The following NFIB variants were observed in gnomAD, a reference collection of about 807,000 sequenced individuals.
The protein encoded by NFIB is nuclear factor I B.
A neutral mutation model predicts 61.5 loss-of-function variants in NFIB; 11 were observed. That is an observed-to-expected ratio of 0.18 (90% CI 0.11 to 0.30). The LOEUF is 0.30. NFIB is among the 10% of genes least tolerant of loss of function. NFIB has a pLI of 1.00. For synonymous variants in NFIB, 260 were observed against 216.5 expected (o/e 1.20, Z -1.76); for missense variants, 471 against 608.9 (o/e 0.77, Z 2.38).
chr9:14,181,998 T>C (rs1166816056), intron 2 of NFIB, among the ~76,000 whole-genome samples: 2 of 152,166 alleles, frequency 1.3e-5, no homozygotes, highest in Non-Finnish European at 2.9e-5. Context: ...AAAATTTGGG[T>C]CCAGCAGAGA....
Position 14,268,885 on chromosome 9 carries a change from T to C in NFIB, c.562+38104A>G, listed in dbSNP as rs145904337. On this transcript the variant is annotated intron_variant, in intron 2 of 10. Coordinates refer to ENST00000380953, the MANE Select transcript of NFIB (RefSeq NM_001190737.2). ...CAAAATTAGAAGTACTAAAGAGATA[T>C]TGATGGTGACGGCTTTGGGTTTCAA... Among the ~76,000 whole-genome samples, 489 of 152,296 alleles carry C rather than the reference T, an allele frequency of 3.2e-3. 10 individuals carry two copies. The highest frequency in any genetic ancestry group is 0.021 in the East Asian group (111 of 5,168).
the NFIB span, among the ~76,000 whole-genome samples, chr9:14,414,794 C>T: frequency 1.3e-5 from 2 of 152,024 alleles, no homozygotes; most frequent in Admixed American, 6.6e-5. Flanking sequence ...AAAATATTTA[C>T]AAGTATATAA....
Position 14,237,462 on chromosome 9 carries a change from C to T in NFIB, c.563-57682G>A, listed in dbSNP as rs2053851715. On this transcript the variant is annotated intron_variant, in intron 2 of 10. Coordinates refer to ENST00000380953, the MANE Select transcript of NFIB (RefSeq NM_001190737.2). ...TGGCCACCTAAGATATACCATTGCCCACTGAGCACAAAAGCTCTTCATTAT... is the reference window on the plus strand; with the variant it reads ...TGGCCACCTAAGATATACCATTGCCTACTGAGCACAAAAGCTCTTCATTAT... Among the ~76,000 whole-genome samples the T allele has an allele frequency of 2.7e-5, 4 of 150,390 alleles. No homozygotes were observed. The South Asian group carries it at 6.4e-4, about 24-fold the overall frequency.
chr9:14,153,293 A>C (rs2043053691), intron 4 of NFIB, among the ~76,000 whole-genome samples: 1 of 152,148 alleles, frequency 6.6e-6, no homozygotes, highest in African/African-American at 2.4e-5. Context: ...AAACACGGCC[A>C]AAGTACTAAA....
chr9:14,527,482 A>T, the NFIB span, among the ~76,000 whole-genome samples: 4 of 152,238 alleles, frequency 2.6e-5, no homozygotes, highest in Non-Finnish European at 4.4e-5. Flanking sequence ...CAAAGGTATT[A>T]TAATAGCTAT....
At chr9:14,248,645 A>C (rs2055217926) in intron 2 of NFIB, among the ~76,000 whole-genome samples, 1 of 152,154 alleles carries the variant, frequency 6.6e-6, no homozygotes. Flanking sequence ...GAGATCATGT[A>C]GTTTGGGTGT....
At chr9:14,417,421 A>G in the NFIB span, among the ~76,000 whole-genome samples, 3 of 152,148 alleles carry the variant, frequency 2.0e-5, no homozygotes, top group African/African-American at 7.2e-5. Context: ...CGATAATGAA[A>G]TTGCCTAATG....
At chr9:14,333,548 C>T (rs2060847199) in intron 1 of NFIB, among the ~76,000 whole-genome samples, 1 of 152,080 alleles carries the variant, frequency 6.6e-6, no homozygotes, top group Admixed American at 6.5e-5. Flanking sequence ...TCAACTACTC[C>T]ACACTATAGC....
intron 10 of NFIB, among the ~76,000 whole-genome samples, chr9:14,091,996 G>T (rs1387826192): frequency 6.6e-6 from 1 of 152,020 alleles, no homozygotes; most frequent in Non-Finnish European, 1.5e-5. Flanking sequence ...CCAAATGTAT[G>T]ACATGGCTCC....
At chr9:14,416,462 G>T in the NFIB span, among the ~76,000 whole-genome samples, 4 of 151,050 alleles carry the variant, frequency 2.6e-5, no homozygotes, top group African/African-American at 9.8e-5. Flanking sequence ...CCCTGACCCT[G>T]TGTAGGCCCA....
intron 2 of NFIB, 117 bp from the exon 3 acceptor site, chr9:14,179,897 TAA>T (rs2046576082): frequency 2.4e-6 from 2 of 837,116 alleles, no homozygotes; most frequent in Non-Finnish European, 3.7e-6. Context: ...AGTGCTTAAA[TAA>T]AATACACTTT....
intron 2 of NFIB, among the ~76,000 whole-genome samples, chr9:14,275,942 GAAAA>G (rs527759131): frequency 3.5e-5 from 5 of 140,926 alleles, no homozygotes; most frequent in Admixed American, 1.4e-4. Flanking sequence ...AACTAGGAAG[GAAAA>G]AAAAAAAACT....
At chr9:14,231,384 G>A (rs775891528) in intron 2 of NFIB, among the ~76,000 whole-genome samples, 1 of 151,708 alleles carries the variant, frequency 6.6e-6, no homozygotes, top group Non-Finnish European at 1.5e-5. Context: ...AAGAATGGAG[G>A]ATTACACACT....
At chr9:14,161,362 G>T (rs1587168645) in intron 3 of NFIB, among the ~76,000 whole-genome samples, 1 of 152,032 alleles carries the variant, frequency 6.6e-6, no homozygotes, top group East Asian at 1.9e-4. Flanking sequence ...AGAATTAAGT[G>T]TATCTCTCAA....
At chr9:14,238,835 T>A (rs918914800) in intron 2 of NFIB, among the ~76,000 whole-genome samples, 2 of 152,170 alleles carry the variant, frequency 1.3e-5, no homozygotes, top group Non-Finnish European at 2.9e-5. Context: ...GAGATATAAA[T>A]CTGTGGGCTT....
intron 1 of NFIB, among the ~76,000 whole-genome samples, chr9:14,390,059 C>T (rs924031338): frequency 1.3e-5 from 2 of 152,150 alleles, no homozygotes; most frequent in African/African-American, 2.4e-5. Flanking sequence ...AAAATCTGAT[C>T]TCAGGGACAG....
chr9:14,305,591 G>A (rs1694350707), intron 2 of NFIB, among the ~76,000 whole-genome samples: 2 of 152,044 alleles, frequency 1.3e-5, no homozygotes, highest in African/African-American at 4.8e-5. Context: ...ATTTTTTCAG[G>A]AAAAGGTAAT....
At chr9:14,501,206 A>C in the NFIB span, among the ~76,000 whole-genome samples, 1 of 152,142 alleles carries the variant, frequency 6.6e-6, no homozygotes, top group African/African-American at 2.4e-5. Flanking sequence ...CTTTTGTCTA[A>C]ATGTGGTTCT....
At chr9:14,367,595 T>A (rs1588377663) in intron 1 of NFIB, among the ~76,000 whole-genome samples, 1 of 152,062 alleles carries the variant, frequency 6.6e-6, no homozygotes, top group African/African-American at 2.4e-5. Context: ...TTAGAGCAAT[T>A]GATACATGAG....
Sources: gnomAD v4.1 joint callset for allele counts (sites outside exome capture counted in the v4.1 genomes callset) on GRCh38, gnomAD v4.1.1 for gene constraint, MANE v1.5 for transcripts, NCBI Gene and HGNC (gene_info 2026-07-23, HGNC 2026-07-21) for gene names.